Variants in PDE4B observed in about 807,000 individuals in gnomAD.
PDE4B encodes the protein phosphodiesterase 4B.
A neutral mutation model predicts 82.2 loss-of-function variants in PDE4B; 20 were observed. That is an observed-to-expected ratio of 0.24 (90% CI 0.17 to 0.35). The LOEUF (loss-of-function observed/expected upper bound fraction) is 0.35. Among genes scored for constraint, PDE4B ranks in the 10% least tolerant of loss-of-function variants. The probability of loss-of-function intolerance (pLI) is 1.00; values close to 1 mark genes in which losing one functional copy is unlikely to be tolerated. For missense variants in PDE4B, 655 were observed against 907.2 expected, an observed-to-expected ratio of 0.72 and a Z score of 3.57; for synonymous variants, 320 against 318.9, an observed-to-expected ratio of 1.00 and a Z score of -0.04.
chr1:66,262,995 T>C (rs1264401450), intron 6 of PDE4B, among the ~76,000 whole-genome samples: 6 of 152,236 alleles, frequency 3.9e-5, no homozygotes, highest in Admixed American at 1.3e-4. Context: ...AAGTCTTCTT[T>C]GGAACTCAGG....
chr1:66,051,762 T>C (rs913868655), intron 3 of PDE4B, among the ~76,000 whole-genome samples: 10 of 152,182 alleles, frequency 6.6e-5, no homozygotes, highest in African/African-American at 1.9e-4. Flanking sequence ...ATAGAAGATA[T>C]AACGTTTTTC....
At chr1:65,894,996 A>G (rs1339233666) in intron 1 of PDE4B, among the ~76,000 whole-genome samples, 1 of 152,308 alleles carries the variant, frequency 6.6e-6, no homozygotes, top group South Asian at 2.1e-4. Flanking sequence ...AGTTGAATAT[A>G]CATTTACCAA....
At chr1:65,942,255 T>A (rs1648485817) in intron 3 of PDE4B, among the ~76,000 whole-genome samples, 1 of 151,988 alleles carries the variant, frequency 6.6e-6, no homozygotes, top group Admixed American at 6.6e-5. Context: ...TTACACTCCA[T>A]ATATAAGTGA....
chr1:66,175,218 C>T (rs935966115), intron 3 of PDE4B, among the ~76,000 whole-genome samples: 2 of 152,178 alleles, frequency 1.3e-5, no homozygotes, highest in Non-Finnish European at 2.9e-5. Context: ...GTAAATACTT[C>T]TTTATTGAAC....
At position 66,311,068 on chromosome 1, in the gene PDE4B, T is replaced by C. The variant is rs572002858; in HGVS notation, c.635-21440T>C. ...GTATCCATGGGATCTTGAACGGTGT[T>C]GTCTGGTGCAGAATAAATAGTCAAG... On this transcript the variant is annotated intron_variant, in intron 7 of 16. Coordinates refer to ENST00000341517, the MANE Select transcript of PDE4B (RefSeq NM_002600.4). Among the ~76,000 whole-genome samples, 26 of 152,312 alleles carry C rather than the reference T, an allele frequency of 1.7e-4. No individual in the cohort carries two copies. The South Asian group carries it at 3.7e-3, about 22-fold the overall frequency.
chr1:65,977,726 A>T (rs1367543470), intron 3 of PDE4B, among the ~76,000 whole-genome samples: 1 of 152,232 alleles, frequency 6.6e-6, no homozygotes, highest in Non-Finnish European at 1.5e-5. Context: ...TATCCTATAC[A>T]GCATACCATA....
At chr1:66,190,788 G>T (rs1647724203) in intron 3 of PDE4B, among the ~76,000 whole-genome samples, 2 of 151,966 alleles carry the variant, frequency 1.3e-5, no homozygotes, top group South Asian at 4.2e-4. Context: ...GGGCTTCCTG[G>T]GTGAGGCGAT....
chr1:65,870,760 T>C (rs934012302), intron 1 of PDE4B, among the ~76,000 whole-genome samples: 3 of 152,200 alleles, frequency 2.0e-5, no homozygotes, highest in Non-Finnish European at 4.4e-5. Context: ...TATTACTATA[T>C]GGGTGTGACC....
At chr1:66,151,902 T>C (rs1255757799) in intron 3 of PDE4B, among the ~76,000 whole-genome samples, 1 of 152,224 alleles carries the variant, frequency 6.6e-6, no homozygotes, top group Non-Finnish European at 1.5e-5. Flanking sequence ...GAGATGTTAT[T>C]GTACTTCTCT....
chr1:66,306,480 C>T (rs766042982), intron 7 of PDE4B, among the ~76,000 whole-genome samples: 7 of 151,924 alleles, frequency 4.6e-5, no homozygotes, highest in South Asian at 2.1e-4. Context: ...ATAGAAACTC[C>T]GGAGCCTGCC....
intron 2 of PDE4B, 96 bp downstream of exon 2, chr1:65,913,452 C>T (rs1647120119): frequency 8.9e-7 from 1 of 1,123,448 alleles, no homozygotes; most frequent in African/African-American, 1.5e-5. Flanking sequence ...TTTAACACAC[C>T]ACTCTGTGAC....
chr1:66,275,831 C>T (rs1655840770), intron 7 of PDE4B, among the ~76,000 whole-genome samples: 1 of 152,212 alleles, frequency 6.6e-6, no homozygotes. Flanking sequence ...GGCAACAGAA[C>T]TCACTGGATC....
chr1:65,806,754 T>C (rs1203789315), intron 1 of PDE4B, among the ~76,000 whole-genome samples: 1 of 152,238 alleles, frequency 6.6e-6, no homozygotes, highest in South Asian at 2.1e-4. Flanking sequence ...ATATGATTTC[T>C]AGATGTTAAA....
intron 3 of PDE4B, among the ~76,000 whole-genome samples, chr1:66,106,839 A>T: frequency 1.0e-5 from 1 of 97,922 alleles, no homozygotes; most frequent in Non-Finnish European, 2.3e-5. Flanking sequence ...TTTCTTCTTT[A>T]TTAGTCTTGC....
chr1:66,260,452 C>A (rs1020672984), intron 6 of PDE4B, among the ~76,000 whole-genome samples: 1 of 143,264 alleles, frequency 7.0e-6, no homozygotes, highest in Non-Finnish European at 1.5e-5. Flanking sequence ...GTAGCTAAAA[C>A]AATATTTTCA....
At chr1:66,204,550 G>A (rs981856782) in intron 3 of PDE4B, among the ~76,000 whole-genome samples, 3 of 152,218 alleles carry the variant, frequency 2.0e-5, no homozygotes, top group African/African-American at 4.8e-5. Context: ...GGCAATGGCA[G>A]GTGCCCCTCC....
chr1:65,806,529 G>C (rs1645757059), intron 1 of PDE4B, among the ~76,000 whole-genome samples: 1 of 152,142 alleles, frequency 6.6e-6, no homozygotes, highest in South Asian at 2.1e-4. Flanking sequence ...TTCACTTTCA[G>C]AGTTTTAAAT....
At chr1:66,344,400 T>A (rs1661235685) in intron 8 of PDE4B, among the ~76,000 whole-genome samples, 1 of 152,232 alleles carries the variant, frequency 6.6e-6, no homozygotes, top group African/African-American at 2.4e-5. Flanking sequence ...AAAATCAGTA[T>A]CATTTAATTT....
chr1:65,846,991 A>G (rs1222198455), intron 1 of PDE4B, among the ~76,000 whole-genome samples: 2 of 152,216 alleles, frequency 1.3e-5, no homozygotes, highest in Non-Finnish European at 2.9e-5. Context: ...ACAAAGCAGC[A>G]ATATGACATT....
Sources: allele counts gnomAD v4.1 joint callset (sites outside exome capture counted in the v4.1 genomes callset), GRCh38; gene constraint gnomAD v4.1.1; transcripts MANE v1.5; gene names NCBI Gene and HGNC (gene_info 2026-07-23, HGNC 2026-07-21).